The following HMCN1 variants were observed in gnomAD, a reference collection of about 807,000 sequenced individuals.
HMCN1 encodes hemicentin-1.
In HMCN1, 321 loss-of-function variants were observed where a neutral mutation model predicts 625.9. The ratio of observed to expected loss-of-function variants is 0.51; its 90% CI spans 0.47 to 0.56. The LOEUF (loss-of-function observed/expected upper bound fraction) is 0.56, where lower values mean the gene tolerates loss of function less well. Ranked by LOEUF, HMCN1 falls within the 20% of genes least tolerant of loss-of-function variation. The pLI is 0.00. For synonymous variants in HMCN1, 2,425 were observed against 2,417.6 expected (o/e 1.00, Z -0.09); for missense variants, 6,588 against 6,887.3 (o/e 0.96, Z 1.54).
chr1:185,735,075 T>A, intron 1 of HMCN1, 28 bp downstream of exon 1: 3 of 1,607,264 alleles, frequency 1.9e-6, no homozygotes, highest in Non-Finnish European at 2.6e-6. Flanking sequence ...ACTTTGTCTT[T>A]GCTATGTCTC....
In HMCN1 at chr1:186,137,954, A is replaced by C; in HGVS notation, c.13906A>C (p.Asn4636His). 3 of 1,614,024 alleles carry C rather than the reference A, an allele frequency of 1.9e-6. No homozygotes were observed. Among genetic ancestry groups the C allele is most frequent in the Non-Finnish European group, 2.5e-6 (3 of 1,179,940 alleles). The change falls in exon 89 of 107, where the codon AAC becomes CAC. Residue 4636 changes from asparagine to histidine, a missense_variant. Asn to His is a moderately conservative substitution (Grantham distance 68). Around this residue, in one of 3 missense-constraint regions of HMCN1, gnomAD observed 1,954 missense variants for 2,013.1 expected, o/e 0.97. Transcript: ENST00000271588. Reference sequence around the variant, plus strand: ...GAATGCTGTGGAAATAATTATGTGCAACATTAGGCCTTGCCCAGGTGAGAA... The same window carrying C: ...GAATGCTGTGGAAATAATTATGTGCCACATTAGGCCTTGCCCAGGTGAGAA... ...EGNAVEIIMC[N>H]IRPCPVHGAW...
intron 1 of HMCN1, among the ~76,000 whole-genome samples, chr1:185,741,627 C>T (rs1653998945): frequency 6.6e-6 from 1 of 152,100 alleles, no homozygotes; most frequent in African/African-American, 2.4e-5. Flanking sequence ...GCAAAGCAGC[C>T]CACGAAATTG....
intron 20 of HMCN1, among the ~76,000 whole-genome samples, chr1:185,989,005 CT>C (rs569764243): frequency 3.4e-3 from 394 of 117,536 alleles, no homozygotes; most frequent in Middle Eastern, 0.018. Flanking sequence ...ACTTTTAGTA[CT>C]TTTTTTTTTT....
chr1:186,040,125 T>G (rs1399686244), intron 39 of HMCN1, among the ~76,000 whole-genome samples: 1 of 152,166 alleles, frequency 6.6e-6, no homozygotes, highest in Non-Finnish European at 1.5e-5. Flanking sequence ...CCATTTGTTT[T>G]GGATATTTGT....
chr1:185,796,274 A>G (rs1192859384), intron 1 of HMCN1, among the ~76,000 whole-genome samples: 1 of 152,130 alleles, frequency 6.6e-6, no homozygotes, highest in East Asian at 1.9e-4. Flanking sequence ...TAATTCCCTC[A>G]TTGATATGAC....
intron 54 of HMCN1, 93 bp downstream of exon 54, chr1:186,076,715 G>A (rs1658839329): frequency 5.5e-6 from 7 of 1,284,086 alleles, no homozygotes; most frequent in Non-Finnish European, 7.8e-6. Flanking sequence ...TGGGTCTCTG[G>A]CTAAGTAATT....
At chr1:185,779,035 A>T (rs1378295278) in intron 1 of HMCN1, among the ~76,000 whole-genome samples, 1 of 152,324 alleles carries the variant, frequency 6.6e-6, no homozygotes, top group African/African-American at 2.4e-5. Context: ...AATGACTGCC[A>T]TTCCAACTGG....
intron 4 of HMCN1, 72 bp downstream of exon 4, chr1:185,865,935 G>A (rs1663165147): frequency 3.3e-6 from 5 of 1,506,522 alleles, no homozygotes; most frequent in Non-Finnish European, 4.6e-6. Context: ...GCCTAATTAT[G>A]ACAGATTTGA....
At chr1:185,846,812 C>T (rs1337506123) in intron 2 of HMCN1, among the ~76,000 whole-genome samples, 1 of 152,148 alleles carries the variant, frequency 6.6e-6, no homozygotes, top group Non-Finnish European at 1.5e-5. Context: ...TGAGTGACTT[C>T]AACATTTATG....
chr1:185,958,807 T>C (rs1285802060), intron 11 of HMCN1, among the ~76,000 whole-genome samples: 3 of 152,332 alleles, frequency 2.0e-5, no homozygotes, highest in Non-Finnish European at 2.9e-5. Context: ...CCATAGTTTA[T>C]TTGTAAAATG....
Position 186,144,074 on chromosome 1 carries a change from G to A in HMCN1, c.13925-99G>A, listed in dbSNP as rs920789663. 3 of 986,544 alleles carry A rather than the reference G, an allele frequency of 3.0e-6. No homozygotes were observed. In the African/African-American group the frequency reaches 4.9e-5, roughly 16 times the overall value. 61.1% of individuals were successfully genotyped at this position (986,544 alleles called of 1,614,324 possible). A position where few individuals can be genotyped will look rare whatever the true frequency, so the allele number is the denominator to read the frequency against. ...TTCAGTTTCAATTCTCTTAGATTGG[G>A]GACTAATTAGCTCATTACTGAGTTA... On this transcript the variant is annotated intron_variant, in intron 89 of 106. Coordinates refer to ENST00000271588, the MANE Select transcript of HMCN1 (RefSeq NM_031935.3).
intron 6 of HMCN1, among the ~76,000 whole-genome samples, chr1:185,917,627 G>A (rs906184189): frequency 6.6e-6 from 1 of 152,196 alleles, no homozygotes; most frequent in East Asian, 1.9e-4. Context: ...TGGCTTTCAT[G>A]TCATTTATTA....
At chr1:185,970,247 T>C (rs140199299) in intron 14 of HMCN1, 88 bp from the exon 15 acceptor site, 1 of 1,271,010 alleles carries the variant, frequency 7.9e-7, no homozygotes, top group Admixed American at 1.7e-5. Context: ...CAATCAACTT[T>C]ATTTGGAAGT....
intron 6 of HMCN1, among the ~76,000 whole-genome samples, chr1:185,921,884 G>T (rs1452921267): frequency 6.6e-6 from 1 of 152,176 alleles, no homozygotes; most frequent in African/African-American, 2.4e-5. Flanking sequence ...ACACTGCTGA[G>T]CTGAGGATGC....
chr1:186,125,424 G>T lies in HMCN1; in HGVS notation c.12500-180G>T, dbSNP rs187816540. Among the ~76,000 whole-genome samples, 45 of 152,198 alleles carry T rather than the reference G, an allele frequency of 3.0e-4. No individual in the cohort carries two copies. In the East Asian group the frequency reaches 8.3e-3, roughly 28 times the overall value. On this transcript the variant is annotated intron_variant, in intron 81 of 106. Coordinates refer to ENST00000271588, the MANE Select transcript of HMCN1 (RefSeq NM_031935.3). ...TTCAATTACATTAGGATTCTTGCTA[G>T]CACCAAAAATACTGATTTCTTTCAT... is the stretch of plus-strand genomic sequence containing the variant.
At chr1:185,961,131 A>C (rs1055391482) in intron 11 of HMCN1, among the ~76,000 whole-genome samples, 3 of 152,190 alleles carry the variant, frequency 2.0e-5, no homozygotes, top group African/African-American at 7.2e-5. Context: ...CAGGAAAAAA[A>C]GGGGAGGGGG....
At chr1:185,914,014 A>G (rs938349533) in intron 6 of HMCN1, among the ~76,000 whole-genome samples, 8 of 152,112 alleles carry the variant, frequency 5.3e-5, no homozygotes, top group African/African-American at 1.9e-4. Context: ...ATCTATTATT[A>G]TTTTATCTTA....
chr1:186,006,955 C>T (rs1388392265), intron 29 of HMCN1, among the ~76,000 whole-genome samples, 173 bp from the exon 30 acceptor site: 1 of 151,960 alleles, frequency 6.6e-6, no homozygotes, highest in Non-Finnish European at 1.5e-5. Context: ...TACCTAACTT[C>T]TGTTAGCAAA....
Position 186,132,330 on chromosome 1 carries a change from T to G in HMCN1, c.13233T>G (p.Asn4411Lys). 1.2e-6 allele frequency: 2 copies of G among 1,612,026 alleles called. No homozygotes were observed. The highest frequency in any genetic ancestry group is 1.7e-6 in the Non-Finnish European group (2 of 1,178,836). ...AAAAACGCTGCTTATTTCCATAGAA[T>G]GAAGATGCCGGTGACTATACATGTG... is the stretch of plus-strand genomic sequence containing the variant. ...NGSLAIYGTVNEDAGDYTCVA... is the reference protein window; with the variant it reads ...NGSLAIYGTVKEDAGDYTCVA... Residue 4411 changes from asparagine (N) to lysine (K), a missense_variant and splice_region_variant, in exon 86 of 107, where the codon AAT becomes AAG. By Grantham distance (94) the Asn-to-Lys change is moderately conservative. Around this residue, in one of 3 missense-constraint regions of HMCN1, gnomAD observed 1,954 missense variants for 2,013.1 expected, o/e 0.97. Transcript: ENST00000271588.
Sources: gnomAD v4.1 joint callset for allele counts (sites outside exome capture counted in the v4.1 genomes callset) on GRCh38, gnomAD v4.1.1 for gene constraint, gnomAD v4.1.1 regional missense constraint, MANE v1.5 for transcripts, NCBI Gene and HGNC (gene_info 2026-07-23, HGNC 2026-07-21) for gene names.